The following PSMD9 variants were observed in gnomAD, a reference collection of about 807,000 sequenced individuals.
The protein encoded by PSMD9 is proteasome 26S subunit, non-ATPase 9.
PSMD9 carries 26 observed loss-of-function variants against 25.9 expected under a neutral mutation model. That is an observed-to-expected ratio of 1.00 (90% CI 0.73 to 1.39). The LOEUF (loss-of-function observed/expected upper bound fraction) is 1.39. PSMD9 is among the 40% of genes most tolerant of loss of function. The pLI, the probability that PSMD9 is intolerant of heterozygous loss-of-function variation, is 0.00. For synonymous variants in PSMD9, 110 were observed against 114.5 expected, an observed-to-expected ratio of 0.96 and a Z score of 0.25; for missense variants, 303 against 299.3, an observed-to-expected ratio of 1.01 and a Z score of -0.09.
At chr12:121,912,049 A>C (rs868461182) in intron 4 of PSMD9, among the ~76,000 whole-genome samples, 5 of 114,832 alleles carry the variant, frequency 4.4e-5, no homozygotes, top group Non-Finnish European at 7.9e-5. Flanking sequence ...TTATTTATTT[A>C]TTTATTTATT....
At chr12:121,891,338 T>C (rs1313274120) in intron 1 of PSMD9, among the ~76,000 whole-genome samples, 1 of 137,798 alleles carries the variant, frequency 7.3e-6, no homozygotes, top group Admixed American at 7.7e-5. Flanking sequence ...CGGTGGCTCA[T>C]GCCTCTAATC....
chr12:121,894,499 C>G (rs928699865), intron 1 of PSMD9: 1 of 458,110 alleles, frequency 2.2e-6, no homozygotes, highest in African/African-American at 2.0e-5. Context: ...ACTGTTTTAA[C>G]TTCAAAAAAG....
At chr12:121,903,243 CAATTTGGTGTCTGGGGA>C in intron 4 of PSMD9, 136 bp downstream of exon 4, 1 of 756,682 alleles carries the variant, frequency 1.3e-6, no homozygotes, top group East Asian at 2.8e-5. Flanking sequence ...AGGCACCAGC[CAATTTGGTGTCTGGGGA>C]GGGCTTGCTT....
chr12:121,902,856 G>A, intron 3 of PSMD9, 150 bp from the exon 4 acceptor site: 1 of 618,670 alleles, frequency 1.6e-6, no homozygotes, highest in East Asian at 2.9e-5. Context: ...TCCTGCATGA[G>A]GTGTCTACAT....
At position 121,915,860 on chromosome 12, in the gene PSMD9, C is replaced by T; in HGVS notation, c.560C>T (p.Pro187Leu). 6.2e-7 allele frequency: 1 copy of T among 1,612,678 alleles called. No homozygotes were observed. Among genetic ancestry groups the T allele is most frequent in the Non-Finnish European group, 8.5e-7 (1 of 1,179,296 alleles). The change falls in exon 5 of 6, where the codon CCC (proline) becomes CTC (leucine). Residue 187 changes from proline (P) to leucine (L), a missense_variant. Transcript: ENST00000541212. The part of the protein sequence containing the change: ...GSVVQHSEGK[P>L]LNVTVIRRGE... The stretch of plus-strand genomic sequence containing the variant: ...ATGAGCTTATTTTCTTTTCAGAAGC[C>T]CCTGAATGTGACAGTGATCCGCAGG...
chr12:121,899,823 C>T lies in PSMD9; in HGVS notation c.431C>T (p.Pro144Leu), dbSNP rs1435500915. The T allele has an allele frequency of 3.7e-6, 6 of 1,614,036 alleles. No homozygotes were observed. Among genetic ancestry groups the T allele is most frequent in the African/African-American group, 1.3e-5 (1 of 75,058 alleles). Reference protein sequence around the residue: ...RAFAKVNSISPGSPASIAGLQ... With the variant: ...RAFAKVNSISLGSPASIAGLQ... ...TTCGCCAAAGTGAACAGCATCAGCC[C>T]CGGCTCCCCAGCCAGCATCGCGGTA... is the stretch of plus-strand genomic sequence containing the variant. The change falls in exon 3 of 6, where the codon CCC becomes CTC. Residue 144 changes from proline to leucine, a missense_variant. Transcript: ENST00000541212.
Position 121,903,409 on chromosome 12 carries a change from C to A in PSMD9, c.555+302C>A, listed in dbSNP as rs929622529. Among the ~76,000 whole-genome samples, 6 of 152,200 alleles carry A rather than the reference C, an allele frequency of 3.9e-5. No homozygotes were observed. In the East Asian group the frequency reaches 1.2e-3, roughly 29 times the overall value. On this transcript the variant is annotated intron_variant, in intron 4 of 5. Transcript: ENST00000541212. ...CCTAATCACCTTGCAGAGGCCCCAC[C>A]CCTAATACCATCACATTGGTGGTTA...
At chr12:121,893,349 A>G (rs925532049) in intron 1 of PSMD9, among the ~76,000 whole-genome samples, 2 of 152,174 alleles carry the variant, frequency 1.3e-5, no homozygotes, top group Non-Finnish European at 2.9e-5. Flanking sequence ...AGAGAAAGGG[A>G]GCAAAATGAA....
At position 121,903,297 on chromosome 12, in the gene PSMD9, C is replaced by A. The variant is rs139521399; in HGVS notation, c.555+190C>A. ...CTAACTCCTAGGTGGTGCCTTCTTG[C>A]TGTGTCCTCACATGGCAGAAAGGGG... On this transcript the variant is annotated intron_variant, in intron 4 of 5. Transcript: ENST00000541212. Among the ~76,000 whole-genome samples the A allele has an allele frequency of 2.5e-3, 376 of 152,296 alleles. 2 individuals carry two copies. The highest frequency in any genetic ancestry group is 8.3e-3 in the African/African-American group (344 of 41,574).
intron 1 of PSMD9, among the ~76,000 whole-genome samples, chr12:121,893,127 G>A (rs2137677376): frequency 6.6e-6 from 1 of 152,288 alleles, no homozygotes; most frequent in Middle Eastern, 3.4e-3. Flanking sequence ...TAGTGTTATG[G>A]ATCCCATCCT....
rs542726935 is a variant in PSMD9 at position 121,905,712 on chromosome 12, A to G, written c.555+2605A>G. 8.0e-4 allele frequency among the ~76,000 whole-genome samples: 122 copies of G among 151,562 alleles called. 3 individuals carry two copies. The highest frequency in any genetic ancestry group is 2.8e-3 in the African/African-American group (116 of 41,108). On this transcript the variant is annotated intron_variant, in intron 4 of 5. Transcript: ENST00000541212. ...CCAGCTAATTTTTTTTTGTATTTTT[A>G]GTAGAGACAGGGTTTCAGCATGTTG...
At chr12:121,915,552 G>A in intron 4 of PSMD9, 1 of 338,546 alleles carries the variant, frequency 3.0e-6, no homozygotes, top group South Asian at 5.8e-5. Flanking sequence ...TGGGATTACA[G>A]GCATTTGTAT....
chr12:121,895,135 C>T (rs1450914821), intron 2 of PSMD9, among the ~76,000 whole-genome samples: 3 of 151,984 alleles, frequency 2.0e-5, no homozygotes, highest in Non-Finnish European at 4.4e-5. Flanking sequence ...GTCTCAACCC[C>T]CCAGGCTCCA....
At position 121,894,799 on chromosome 12, in the gene PSMD9, G is replaced by T; in HGVS notation, c.199G>T (p.Val67Leu). Residue 67 changes from valine (V) to leucine (L), a missense_variant, in exon 2 of 6, where the codon GTG (valine) becomes TTG (leucine). Transcript: ENST00000541212. ...CTGTGAGGGCTACCCCCGGTCAGACGTGGACCTGTACCAAGTCCGCACCGC... is the reference window on the plus strand; with the variant it reads ...CTGTGAGGGCTACCCCCGGTCAGACTTGGACCTGTACCAAGTCCGCACCGC... ...VDCEGYPRSD[V>L]DLYQVRTARH... 1.2e-6 allele frequency: 2 copies of T among 1,614,046 alleles called. No individual in the cohort carries two copies. Among genetic ancestry groups the T allele is most frequent in the South Asian group, 2.2e-5 (2 of 91,056 alleles).
chr12:121,891,592 T>C (rs1480728566), intron 1 of PSMD9, among the ~76,000 whole-genome samples: 3 of 143,270 alleles, frequency 2.1e-5, no homozygotes, highest in Admixed American at 7.2e-5. Context: ...AGAGCGAGAC[T>C]CCGTCTCAAG....
chr12:121,912,160 C>T (rs1042081560), intron 4 of PSMD9, among the ~76,000 whole-genome samples: 1 of 151,942 alleles, frequency 6.6e-6, no homozygotes, highest in African/African-American at 2.4e-5. Flanking sequence ...CCACCTCAGC[C>T]TTGAGAGTAG....
chr12:121,913,967 A>C (rs985978250), intron 4 of PSMD9, among the ~76,000 whole-genome samples: 1 of 151,830 alleles, frequency 6.6e-6, no homozygotes. Flanking sequence ...TGGTGCAGTC[A>C]CAGCTCACTG....
chr12:121,892,866 T>C, intron 1 of PSMD9, among the ~76,000 whole-genome samples: 1 of 152,134 alleles, frequency 6.6e-6, no homozygotes, highest in East Asian at 1.9e-4. Context: ...GAAGATCTTG[T>C]CTCAAACCAA....
chr12:121,897,920 T>G (rs1289183783), intron 2 of PSMD9: 1 of 152,252 alleles, frequency 6.6e-6, no homozygotes, highest in African/African-American at 2.4e-5. Context: ...AAAAACCCTT[T>G]CAACATTTTG....
Sources: allele counts gnomAD v4.1 joint callset (sites outside exome capture counted in the v4.1 genomes callset), GRCh38; gene constraint gnomAD v4.1.1; transcripts MANE v1.5; gene names NCBI Gene and HGNC (gene_info 2026-07-23, HGNC 2026-07-21).